The following PIBF1 variants were observed in gnomAD, a reference collection of about 807,000 sequenced individuals.
PIBF1 encodes the protein progesterone immunomodulatory binding factor 1, also known as progesterone-induced-blocking factor 1.
In PIBF1, 90 loss-of-function variants were observed where a neutral mutation model predicts 112.5. The ratio of observed to expected loss-of-function variants is 0.80; its 90% confidence interval spans 0.67 to 0.95. The LOEUF (loss-of-function observed/expected upper bound fraction) is 0.95, where lower values mean the gene tolerates loss of function less well. Ranked by LOEUF, PIBF1 falls within the 40% of genes least tolerant of loss-of-function variation. The probability of loss-of-function intolerance (pLI) is 0.00; values close to 1 mark genes in which losing one functional copy is unlikely to be tolerated. For missense variants in PIBF1, 915 were observed against 852.3 expected (o/e 1.07, Z -0.92); for synonymous variants, 301 against 288.6 (o/e 1.04, Z -0.44).
intron 14 of PIBF1, among the ~76,000 whole-genome samples, chr13:72,954,714 G>A (rs569437646): frequency 6.6e-6 from 1 of 152,332 alleles, no homozygotes; most frequent in East Asian, 1.9e-4. Context: ...GAGATTCAGA[G>A]TTTTCCATCT....
chr13:72,863,615 G>A (rs994027724), intron 10 of PIBF1, among the ~76,000 whole-genome samples: 14 of 143,190 alleles, frequency 9.8e-5, no homozygotes, highest in African/African-American at 3.4e-4. Flanking sequence ...CAGAGATCTC[G>A]CCAATGCACT....
chr13:72,976,228 A>G (rs897195285), intron 16 of PIBF1, among the ~76,000 whole-genome samples: 2 of 152,062 alleles, frequency 1.3e-5, no homozygotes, highest in African/African-American at 4.8e-5. Flanking sequence ...TCACCTGTGA[A>G]TAGCCACTGC....
intron 8 of PIBF1, among the ~76,000 whole-genome samples, chr13:72,834,325 G>A (rs879679513): frequency 6.6e-6 from 1 of 151,892 alleles, no homozygotes; most frequent in African/African-American, 2.4e-5. Flanking sequence ...GAATTATATC[G>A]ACATACCAAA....
chr13:72,814,656 G>C (rs2036184148), intron 5 of PIBF1, among the ~76,000 whole-genome samples: 1 of 151,694 alleles, frequency 6.6e-6, no homozygotes, highest in Non-Finnish European at 1.5e-5. Context: ...ATGAAAATGA[G>C]AACATTTTTA....
chr13:72,792,575 A>T (rs776141492), intron 3 of PIBF1, 28 bp downstream of exon 3: 7 of 1,154,594 alleles, frequency 6.1e-6, no homozygotes, highest in Non-Finnish European at 7.5e-6. Flanking sequence ...TAAAAAAAAA[A>T]CAACATCTAT....
At chr13:72,892,785 T>TACAG (rs1555307842) in intron 10 of PIBF1, among the ~76,000 whole-genome samples, 3 of 140,710 alleles carry the variant, frequency 2.1e-5, no homozygotes, top group African/African-American at 7.7e-5. Flanking sequence ...CCTCCTGCCT[T>TACAG]ACACACACAC....
At chr13:72,928,019 A>ATC in intron 13 of PIBF1, among the ~76,000 whole-genome samples, 1 of 61,582 alleles carries the variant, frequency 1.6e-5, no homozygotes, top group African/African-American at 7.1e-5. Flanking sequence ...ATATATACAT[A>ATC]TATATACATA....
chr13:72,798,912 T>C lies in PIBF1; in HGVS notation c.672+886T>C, dbSNP rs144849067. ...ATTTATTACTTACGTGGCTTCTTTG[T>C]GAAGTGCAGTTAACTCTCATAATAT... is the stretch of plus-strand genomic sequence containing the variant. On this transcript the variant is annotated intron_variant, in intron 5 of 17. Transcript: ENST00000326291. Among the ~76,000 whole-genome samples, 23 of 152,338 alleles carry C rather than the reference T, an allele frequency of 1.5e-4. No individual in the cohort carries two copies. The East Asian group carries it at 3.7e-3, about 24-fold the overall frequency.
intron 16 of PIBF1, among the ~76,000 whole-genome samples, chr13:72,993,036 A>G (rs981840342): frequency 6.6e-6 from 1 of 152,214 alleles, no homozygotes; most frequent in Non-Finnish European, 1.5e-5. Flanking sequence ...ATATTTCCCT[A>G]ATATAAAAAT....
chr13:72,962,896 A>G (rs1029648735), intron 14 of PIBF1, among the ~76,000 whole-genome samples: 1 of 152,238 alleles, frequency 6.6e-6, no homozygotes, highest in Non-Finnish European at 1.5e-5. Context: ...GTAAAGTTAC[A>G]GTCAGCAAAA....
At chr13:72,935,093 C>G (rs190265234) in intron 14 of PIBF1, among the ~76,000 whole-genome samples, 88 of 152,242 alleles carry the variant, frequency 5.8e-4, no homozygotes, top group African/African-American at 2.0e-3. Context: ...TCAAGCAATT[C>G]TCCTGCCTCA....
intron 11 of PIBF1, among the ~76,000 whole-genome samples, chr13:72,898,379 C>A (rs540593973): frequency 6.6e-6 from 1 of 151,876 alleles, no homozygotes; most frequent in African/African-American, 2.4e-5. Flanking sequence ...CACAAACAGA[C>A]AATCTAAGGT....
chr13:72,807,237 G>A (rs1182753918), intron 5 of PIBF1, among the ~76,000 whole-genome samples: 1 of 151,642 alleles, frequency 6.6e-6, no homozygotes, highest in Non-Finnish European at 1.5e-5. Flanking sequence ...GTATTCTTCA[G>A]ATACAACTGT....
At chr13:72,834,665 TA>T (rs2037275423) in intron 8 of PIBF1, among the ~76,000 whole-genome samples, 1 of 150,962 alleles carries the variant, frequency 6.6e-6, no homozygotes, top group Non-Finnish European at 1.5e-5. Context: ...AATTTTACCT[TA>T]AAGGTAAAGG....
intron 16 of PIBF1, among the ~76,000 whole-genome samples, chr13:72,976,727 T>A (rs1191764202): frequency 6.6e-6 from 1 of 152,216 alleles, no homozygotes; most frequent in Non-Finnish European, 1.5e-5. Context: ...AAACAGCTGG[T>A]GTGACCCCCT....
intron 9 of PIBF1, among the ~76,000 whole-genome samples, chr13:72,852,169 T>C (rs1234226556): frequency 6.6e-6 from 1 of 152,160 alleles, no homozygotes; most frequent in Non-Finnish European, 1.5e-5. Flanking sequence ...ACTCGCCACA[T>C]TGCAACAAGG....
At chr13:72,991,781 C>T (rs1437249054) in intron 16 of PIBF1, among the ~76,000 whole-genome samples, 2 of 151,436 alleles carry the variant, frequency 1.3e-5, no homozygotes, top group African/African-American at 2.4e-5. Context: ...TGCAGTGGCA[C>T]GATCTCGGCT....
At chr13:72,937,057 G>A (rs1245747072) in intron 14 of PIBF1, among the ~76,000 whole-genome samples, 1 of 151,932 alleles carries the variant, frequency 6.6e-6, no homozygotes, top group East Asian at 1.9e-4. Flanking sequence ...TAAAACATTA[G>A]CATTAGCAAA....
intron 10 of PIBF1, among the ~76,000 whole-genome samples, chr13:72,880,054 T>C (rs559016300): frequency 2.6e-5 from 4 of 152,340 alleles, no homozygotes; most frequent in Admixed American, 1.3e-4. Context: ...GCAGCAGTGA[T>C]AATTGTCTGT....
Sources: gnomAD v4.1 joint callset for allele counts (sites outside exome capture counted in the v4.1 genomes callset) on GRCh38, gnomAD v4.1.1 for gene constraint, MANE v1.5 for transcripts, NCBI Gene and HGNC (gene_info 2026-07-23, HGNC 2026-07-21) for gene names.